The following GABPB1 variants were observed in gnomAD, a reference collection of about 807,000 sequenced individuals.
The protein encoded by GABPB1 is GA binding protein transcription factor subunit beta 1.
A neutral mutation model predicts 45.9 loss-of-function variants in GABPB1; 15 were observed. That is an observed-to-expected ratio of 0.33 (90% CI 0.22 to 0.50). The LOEUF (loss-of-function observed/expected upper bound fraction) is 0.50, where lower values mean the gene tolerates loss of function less well. GABPB1 is among the 20% of genes least tolerant of loss of function. The pLI is 0.98. For synonymous variants in GABPB1, 143 were observed against 154.4 expected, an observed-to-expected ratio of 0.93 and a Z score of 0.55; for missense variants, 252 against 457.5, an observed-to-expected ratio of 0.55 and a Z score of 4.10.
intron 8 of GABPB1, among the ~76,000 whole-genome samples, chr15:50,285,097 G>T (rs1001483986): frequency 1.2e-4 from 19 of 152,004 alleles, no homozygotes; most frequent in African/African-American, 4.6e-4. Flanking sequence ...GTCTTTTAGT[G>T]ACTTATTTTA....
At chr15:50,302,429 G>A (rs1331330319) in intron 4 of GABPB1, among the ~76,000 whole-genome samples, 1 of 151,996 alleles carries the variant, frequency 6.6e-6, no homozygotes, top group Non-Finnish European at 1.5e-5. Context: ...GATCGCCTGA[G>A]CTCAAGAGTT....
chr15:50,293,461 A>G (rs1215114059), intron 6 of GABPB1, among the ~76,000 whole-genome samples: 1 of 152,284 alleles, frequency 6.6e-6, no homozygotes, highest in South Asian at 2.1e-4. Flanking sequence ...CTTAAACTAT[A>G]ATTAGGTTTT....
chr15:50,290,539 A>G (rs1259732078), intron 6 of GABPB1, among the ~76,000 whole-genome samples: 1 of 151,938 alleles, frequency 6.6e-6, no homozygotes, highest in East Asian at 1.9e-4. Flanking sequence ...TGCAATGAGA[A>G]GAGATCATGC....
At chr15:50,302,494 AT>A (rs2046787250) in intron 4 of GABPB1, among the ~76,000 whole-genome samples, 1 of 151,914 alleles carries the variant, frequency 6.6e-6, no homozygotes. Context: ...AACACAAAAA[AT>A]TAGCCAGGCA....
At position 50,306,731 on chromosome 15, in the gene GABPB1, T is replaced by G. The variant is rs75771411; in HGVS notation, c.109-2598A>C. 6.7e-3 allele frequency among the ~76,000 whole-genome samples: 1,025 copies of G among 152,182 alleles called. 13 individuals carry two copies. Among genetic ancestry groups the G allele is most frequent in the African/African-American group, 0.024 (1,000 of 41,508 alleles). Reference sequence around the variant, plus strand: ...TTTTGAATTTTGTGACAAGCATTACTTAGTTTTCTTTGTATCACTTATCCC... The same window carrying G: ...TTTTGAATTTTGTGACAAGCATTACGTAGTTTTCTTTGTATCACTTATCCC... On this transcript the variant is annotated intron_variant, in intron 2 of 8. Coordinates refer to ENST00000380877, the MANE Select transcript of GABPB1 (RefSeq NM_016654.5).
At chr15:50,347,781 C>T (rs1274700517) in intron 1 of GABPB1, among the ~76,000 whole-genome samples, 3 of 152,180 alleles carry the variant, frequency 2.0e-5, no homozygotes, top group South Asian at 2.1e-4. Context: ...ATAGGCTGGG[C>T]GCAGTGGCTT....
chr15:50,346,006 C>G (rs1365672268), intron 1 of GABPB1, among the ~76,000 whole-genome samples: 1 of 152,074 alleles, frequency 6.6e-6, no homozygotes, highest in African/African-American at 2.4e-5. Flanking sequence ...CCACCACGCC[C>G]GGTGAGAAGT....
chr15:50,283,897 T>C (rs922052700), intron 8 of GABPB1, among the ~76,000 whole-genome samples: 1 of 152,176 alleles, frequency 6.6e-6, no homozygotes. Flanking sequence ...AGATTTTGTA[T>C]AGAGTTAATT....
chr15:50,311,663 C>T, intron 1 of GABPB1, among the ~76,000 whole-genome samples: 1 of 152,010 alleles, frequency 6.6e-6, no homozygotes, highest in Non-Finnish European at 1.5e-5. Context: ...CATTATGGAC[C>T]TAAGTATTTC....
intron 8 of GABPB1, among the ~76,000 whole-genome samples, chr15:50,285,000 T>C (rs2046105760): frequency 6.6e-6 from 1 of 152,116 alleles, no homozygotes; most frequent in Admixed American, 6.6e-5. Flanking sequence ...AATAATATAT[T>C]TGTGGTGTGG....
chr15:50,290,021 G>A (rs191920642), intron 6 of GABPB1, among the ~76,000 whole-genome samples: 11 of 152,078 alleles, frequency 7.2e-5, no homozygotes, highest in Admixed American at 6.6e-4. Flanking sequence ...CTCCTGCCTT[G>A]ACCTCCCAAA....
intron 1 of GABPB1, among the ~76,000 whole-genome samples, chr15:50,325,507 T>C (rs1042556690): frequency 1.3e-5 from 2 of 152,102 alleles, no homozygotes; most frequent in African/African-American, 2.4e-5. Context: ...AGAGAGCTGT[T>C]CTAGAATCAC....
At chr15:50,289,378 G>A (rs956878900) in intron 7 of GABPB1, 105 bp downstream of exon 7, 3 of 716,032 alleles carry the variant, frequency 4.2e-6, no homozygotes, top group Non-Finnish European at 4.3e-6. Flanking sequence ...AATTTCCTGA[G>A]AATTAAAAAT....
chr15:50,353,410 TGA>T (rs1396280587), intron 1 of GABPB1: 3 of 152,006 alleles, frequency 2.0e-5, no homozygotes, highest in African/African-American at 7.2e-5. Context: ...TAAAAAAGTA[TGA>T]GTGTACAGTG....
At chr15:50,320,709 G>C (rs578185564) in intron 1 of GABPB1, among the ~76,000 whole-genome samples, 2 of 152,182 alleles carry the variant, frequency 1.3e-5, no homozygotes, top group Non-Finnish European at 2.9e-5. Context: ...GTAATCACAA[G>C]ACTTCTTATA....
chr15:50,343,132 T>C (rs984168674), intron 1 of GABPB1, among the ~76,000 whole-genome samples: 2 of 152,054 alleles, frequency 1.3e-5, no homozygotes, highest in Non-Finnish European at 2.9e-5. Flanking sequence ...ATCTCCTGAC[T>C]TCGTGATCCA....
At chr15:50,310,833 T>C (rs1481729684) in intron 1 of GABPB1, among the ~76,000 whole-genome samples, 3 of 151,776 alleles carry the variant, frequency 2.0e-5, no homozygotes, top group African/African-American at 7.3e-5. Flanking sequence ...AAAAATTGGC[T>C]GGGCATGGGG....
intron 1 of GABPB1, among the ~76,000 whole-genome samples, chr15:50,347,874 G>A (rs888699088): frequency 6.6e-6 from 1 of 152,004 alleles, no homozygotes; most frequent in Non-Finnish European, 1.5e-5. Context: ...TAGCCAACAT[G>A]GCTAAACCCC....
chr15:50,341,745 C>T (rs1476843241), intron 1 of GABPB1, among the ~76,000 whole-genome samples: 1 of 152,128 alleles, frequency 6.6e-6, no homozygotes, highest in Non-Finnish European at 1.5e-5. Flanking sequence ...TGTAAACCGT[C>T]TTCCTCTAGG....
Sources: gnomAD v4.1 joint callset for allele counts (sites outside exome capture counted in the v4.1 genomes callset) on GRCh38, gnomAD v4.1.1 for gene constraint, MANE v1.5 for transcripts, NCBI Gene and HGNC (gene_info 2026-07-23, HGNC 2026-07-21) for gene names.